SATL1: variants seen among roughly 807,000 people sequenced by gnomAD.
SATL1 encodes the protein spermidine/spermine N(1)-acetyltransferase-like protein 1.
A neutral mutation model predicts 51.8 loss-of-function variants in SATL1; 47 were observed. The ratio of observed to expected loss-of-function variants is 0.91; its 90% confidence interval spans 0.72 to 1.16. The LOEUF (loss-of-function observed/expected upper bound fraction) is 1.16, where lower values mean the gene tolerates loss of function less well. Among genes scored for constraint, SATL1 ranks in the 50% most tolerant of loss-of-function variants. The pLI is 0.00. For missense variants in SATL1, 520 were observed against 526.4 expected (o/e 0.99, Z 0.12); for synonymous variants, 176 against 182.4 (o/e 0.97, Z 0.28).
intron 2 of SATL1, among the ~76,000 whole-genome samples, chrX:85,132,240 G>T (rs943971624): frequency 1.8e-5 from 2 of 112,169 alleles, no homozygotes; most frequent in African/African-American, 6.5e-5. Flanking sequence ...ATCCTGAAGA[G>T]TGTTTTCCAG....
rs779869394 is a variant in SATL1, at chrX:85,159,352, C to T, written c.-312-50072G>A. Among the ~76,000 whole-genome samples, 89 of 111,857 alleles carry T rather than the reference C, an allele frequency of 8.0e-4. 1 individual carries two copies. The highest frequency in any genetic ancestry group is 2.6e-3 in the African/African-American group (79 of 30,760). ...TGAGGGGGCATTAACACCTAAGTTC[C>T]GCCTCCTCTCAGATTAGTGGCAGCA... On this transcript the variant is annotated intron_variant, in intron 2 of 7. Coordinates refer to ENST00000644105, the MANE Select transcript of SATL1 (RefSeq NM_001367857.2).
intron 2 of SATL1, among the ~76,000 whole-genome samples, chrX:85,128,136 A>G (rs1188479212): frequency 4.5e-5 from 5 of 111,740 alleles, no homozygotes; most frequent in Non-Finnish European, 9.4e-5. Flanking sequence ...TAGTAGCATG[A>G]TTTATAATCC....
At chrX:85,164,800 C>T (rs773120453) in intron 2 of SATL1, among the ~76,000 whole-genome samples, 65 of 107,706 alleles carry the variant, frequency 6.0e-4, no homozygotes, top group African/African-American at 1.9e-3. Flanking sequence ...TTTCAGCTCA[C>T]GGCAACCTCT....
At chrX:85,126,617 C>A (rs1243865127) in intron 2 of SATL1, among the ~76,000 whole-genome samples, 1 of 111,315 alleles carries the variant, frequency 9.0e-6, no homozygotes, top group Non-Finnish European at 1.9e-5. Flanking sequence ...ATAAACTGCA[C>A]CACTTTAGTA....
intron 2 of SATL1, among the ~76,000 whole-genome samples, chrX:85,126,581 C>T (rs1471159179): frequency 9.0e-6 from 1 of 111,049 alleles, no homozygotes; most frequent in Admixed American, 9.6e-5. Flanking sequence ...CTACTCTAGC[C>T]CTACTGATCT....
intron 2 of SATL1, among the ~76,000 whole-genome samples, chrX:85,141,153 CT>C (rs1231089070): frequency 9.0e-6 from 1 of 111,263 alleles, no homozygotes; most frequent in Non-Finnish European, 1.9e-5. Context: ...CTGCCCTTTC[CT>C]TTTTTACTGA....
chrX:85,095,781 C>A (rs947157136), intron 4 of SATL1, among the ~76,000 whole-genome samples: 1 of 92,275 alleles, frequency 1.1e-5, no homozygotes. Context: ...AGCCGAGATC[C>A]CGCCACTGCA....
intron 2 of SATL1, among the ~76,000 whole-genome samples, chrX:85,144,918 T>C (rs1331271986): frequency 9.0e-6 from 1 of 110,525 alleles, no homozygotes; most frequent in Non-Finnish European, 1.9e-5. Context: ...ACAACTATAA[T>C]CCCAGGTACT....
At chrX:85,225,130 A>C (rs1426459839) in intron 1 of SATL1, among the ~76,000 whole-genome samples, 1 of 111,988 alleles carries the variant, frequency 8.9e-6, no homozygotes, top group Admixed American at 9.5e-5. Context: ...GGGTGGGAGA[A>C]AAGTAGGTGT....
At chrX:85,098,756 A>G (rs1413005623) in intron 4 of SATL1, among the ~76,000 whole-genome samples, 1 of 111,707 alleles carries the variant, frequency 9.0e-6, no homozygotes, top group Non-Finnish European at 1.9e-5. Context: ...ACTTAGAGAT[A>G]TGAACGAAAA....
chrX:85,147,398 A>G (rs1926284022), intron 2 of SATL1, among the ~76,000 whole-genome samples: 1 of 114,108 alleles, frequency 8.8e-6, no homozygotes, highest in Non-Finnish European at 1.9e-5. Context: ...GGCAGGGCAC[A>G]GACAAACAAA....
rs907396350 is a variant in SATL1 at position 85,155,798 on chromosome X, T to A, written c.-312-46518A>T. On this transcript the variant is annotated intron_variant, in intron 2 of 7. Transcript: ENST00000644105. Reference sequence around the variant, plus strand: ...ACTATGTGGCCTAGGGGCACTTTCTTAAAATTTCTTAGAGTTGGGCTTCTT... The same window carrying A: ...ACTATGTGGCCTAGGGGCACTTTCTAAAAATTTCTTAGAGTTGGGCTTCTT... Among the ~76,000 whole-genome samples the A allele has an allele frequency of 4.5e-5, 5 of 111,541 alleles. No homozygotes were observed. The Admixed American group carries it at 4.8e-4, about 11-fold the overall frequency.
chrX:85,170,411 T>C (rs1300244999), intron 2 of SATL1, among the ~76,000 whole-genome samples: 3 of 111,905 alleles, frequency 2.7e-5, no homozygotes, highest in African/African-American at 9.7e-5. Context: ...CAGTGATATA[T>C]GGAAAATATT....
intron 4 of SATL1, among the ~76,000 whole-genome samples, chrX:85,102,239 C>T (rs985930816): frequency 2.0e-5 from 2 of 100,597 alleles, no homozygotes; most frequent in African/African-American, 3.7e-5. Context: ...CCCCCTCCCC[C>T]CACCCCACAA....
At chrX:85,194,969 C>T (rs1306938728) in intron 2 of SATL1, among the ~76,000 whole-genome samples, 5 of 108,825 alleles carry the variant, frequency 4.6e-5, no homozygotes, top group Non-Finnish European at 1.9e-5. Flanking sequence ...ATGTGTATAC[C>T]TATGTAACAA....
chrX:85,133,250 C>T (rs184176828), intron 2 of SATL1, among the ~76,000 whole-genome samples: 3 of 112,319 alleles, frequency 2.7e-5, no homozygotes, highest in Non-Finnish European at 5.6e-5. Context: ...TCAGCTATGC[C>T]GTGCCTCCAG....
chrX:85,211,993 C>CA (rs1224985404), intron 2 of SATL1: 2 of 111,353 alleles, frequency 1.8e-5, no homozygotes, highest in Non-Finnish European at 3.8e-5. Context: ...TCTCTTCCCT[C>CA]AAAAAATCAA....
At chrX:85,154,778 G>T (rs1926546086) in intron 2 of SATL1, among the ~76,000 whole-genome samples, 1 of 112,313 alleles carries the variant, frequency 8.9e-6, no homozygotes, top group South Asian at 3.6e-4. Flanking sequence ...TTGTTTAAAA[G>T]CAAACTGTTT....
chrX:85,150,721 AT>A (rs1293584161), intron 2 of SATL1, among the ~76,000 whole-genome samples: 1 of 111,203 alleles, frequency 9.0e-6, no homozygotes, highest in Non-Finnish European at 1.9e-5. Flanking sequence ...AAACCACATG[AT>A]TATCTCAATA....
Sources: allele counts gnomAD v4.1 joint callset (sites outside exome capture counted in the v4.1 genomes callset), GRCh38; gene constraint gnomAD v4.1.1; transcripts MANE v1.5; gene names NCBI Gene and HGNC (gene_info 2026-07-23, HGNC 2026-07-21).